The following SH3GL3 variants were observed in gnomAD, a reference collection of about 807,000 sequenced individuals.
The protein encoded by SH3GL3 is endophilin-A3.
SH3GL3 carries 33 observed loss-of-function variants against 47.7 expected under a neutral mutation model. The ratio of observed to expected loss-of-function variants is 0.69; its 90% CI spans 0.52 to 0.92. SH3GL3 has a LOEUF of 0.92. SH3GL3 is among the 40% of genes least tolerant of loss of function. SH3GL3 has a pLI of 0.00. For missense variants in SH3GL3, 363 were observed against 417.8 expected (o/e 0.87, Z 1.14); for synonymous variants, 155 against 148.8 (o/e 1.04, Z -0.30).
chr15:83,541,312 A>ATTTTTTTTTTTTTTTTT lies in SH3GL3; in HGVS notation c.46-17918_46-17902dup, dbSNP rs71156085. Among the ~76,000 whole-genome samples the ATTTTTTTTTTTTTTTTT allele has an allele frequency of 1.3e-4, 6 of 47,366 alleles. 2 individuals are homozygous for ATTTTTTTTTTTTTTTTT. Among genetic ancestry groups the ATTTTTTTTTTTTTTTTT allele is most frequent in the Admixed American group, 6.1e-4 (2 of 3,294 alleles). 31.1% of individuals were successfully genotyped at this position (47,366 alleles called of 152,430 possible). On this transcript the variant is annotated intron_variant, in intron 1 of 8. Coordinates refer to ENST00000427482, the MANE Select transcript of SH3GL3 (RefSeq NM_003027.5). ...GATGGCTGGATCATATGGTAATTCTATTTTTTTTTTTTTTTTTTTTTTTTT... is the reference window on the plus strand; with the variant it reads ...GATGGCTGGATCATATGGTAATTCTATTTTTTTTTTTTTTTTTTTTTTTTTTTTTTTTTTTTTTTTTT...
intron 1 of SH3GL3, among the ~76,000 whole-genome samples, chr15:83,461,792 A>G (rs2040312622): frequency 6.6e-6 from 1 of 150,778 alleles, no homozygotes. Flanking sequence ...TCAGAAGTTA[A>G]AAAAAAAAGT....
At chr15:83,553,303 G>T (rs2044762298) in intron 1 of SH3GL3, among the ~76,000 whole-genome samples, 1 of 152,156 alleles carries the variant, frequency 6.6e-6, no homozygotes, top group Admixed American at 6.5e-5. Flanking sequence ...TGTACATTTT[G>T]TCTTTTCAGT....
At chr15:83,616,860 G>A (rs1164942682) in intron 8 of SH3GL3, among the ~76,000 whole-genome samples, 2 of 151,874 alleles carry the variant, frequency 1.3e-5, no homozygotes, top group Admixed American at 6.6e-5. Flanking sequence ...GAGAAGGAAG[G>A]AAAAGAAAGA....
intron 8 of SH3GL3, among the ~76,000 whole-genome samples, chr15:83,599,042 A>G (rs1181132290): frequency 6.6e-6 from 1 of 152,188 alleles, no homozygotes; most frequent in Non-Finnish European, 1.5e-5. Context: ...AAAGATTTTG[A>G]TGAAGCAGAT....
Position 83,547,768 on chromosome 15 carries a change from G to C in SH3GL3, c.46-11485G>C, listed in dbSNP as rs561508593. Among the ~76,000 whole-genome samples, 44 of 139,754 alleles carry C rather than the reference G, an allele frequency of 3.1e-4. 1 individual carries two copies. In the South Asian group the frequency reaches 6.4e-3, roughly 20 times the overall value. The allele number at this position is 139,754 out of a possible 152,430, so 91.7% of individuals were successfully genotyped here. ...GTGCATCTCTTATTAGCAGGATATA[G>C]TGTAGCTTTTTTTTTTTTTTTTAAA... On this transcript the variant is annotated intron_variant, in intron 1 of 8. Coordinates refer to ENST00000427482, the MANE Select transcript of SH3GL3 (RefSeq NM_003027.5).
chr15:83,563,029 A>G (rs917147993), intron 2 of SH3GL3, among the ~76,000 whole-genome samples: 8 of 152,220 alleles, frequency 5.3e-5, no homozygotes, highest in African/African-American at 1.9e-4. Flanking sequence ...CTGGGGCTCC[A>G]GATTAATTTA....
At chr15:83,581,828 T>C (rs1054799525) in intron 6 of SH3GL3, among the ~76,000 whole-genome samples, 21 of 152,248 alleles carry the variant, frequency 1.4e-4, no homozygotes, top group African/African-American at 5.1e-4. Context: ...TTTGGTTGTC[T>C]TGTGAATGGG....
Position 83,602,365 on chromosome 15 carries a change from A to G in SH3GL3, c.838+13594A>G, listed in dbSNP as rs889111179. On this transcript the variant is annotated intron_variant, in intron 8 of 8. Transcript: ENST00000427482. ...ACCTTAGACTGGGTAGCTTTTACTT[A>G]CAGTCTGGAGGCTGAGATGTCTAAA... Among the ~76,000 whole-genome samples, 29 of 152,294 alleles carry G rather than the reference A, an allele frequency of 1.9e-4. 1 individual carries two copies. Among genetic ancestry groups the G allele is most frequent in the Non-Finnish European group, 5.9e-5 (4 of 68,032 alleles).
intron 7 of SH3GL3, 115 bp from the exon 8 acceptor site, chr15:83,588,547 C>G: frequency 1.5e-6 from 1 of 680,938 alleles, no homozygotes; most frequent in Admixed American, 2.3e-5. Flanking sequence ...AAAATCGTCC[C>G]TTTCATGACC....
At chr15:83,513,362 A>G (rs1054725324) in intron 1 of SH3GL3, among the ~76,000 whole-genome samples, 3 of 152,214 alleles carry the variant, frequency 2.0e-5, no homozygotes, top group African/African-American at 7.2e-5. Context: ...AAGAGGTTTC[A>G]TGATCTTATT....
the SH3GL3 span, among the ~76,000 whole-genome samples, chr15:83,631,325 T>C: frequency 6.6e-6 from 1 of 152,074 alleles, no homozygotes; most frequent in Non-Finnish European, 1.5e-5. Flanking sequence ...GATTCTGGAG[T>C]CTGAAGAATG....
chr15:83,565,752 A>G (rs1300379654), intron 3 of SH3GL3: 1 of 152,144 alleles, frequency 6.6e-6, no homozygotes, highest in Admixed American at 6.6e-5. Flanking sequence ...CAGGTTGTAA[A>G]TTATAGGAAC....
At chr15:83,488,503 G>C (rs951106876) in intron 1 of SH3GL3, among the ~76,000 whole-genome samples, 1 of 152,208 alleles carries the variant, frequency 6.6e-6, no homozygotes, top group Non-Finnish European at 1.5e-5. Flanking sequence ...CAGGGTGTCC[G>C]TGGGTCACTG....
chr15:83,609,172 C>A, intron 8 of SH3GL3: 1 of 435,582 alleles, frequency 2.3e-6, no homozygotes, highest in Non-Finnish European at 4.6e-6. Context: ...TAAATTAGAT[C>A]TTGTGAATTA....
chr15:83,539,565 C>G (rs548384014), intron 1 of SH3GL3, among the ~76,000 whole-genome samples: 73 of 152,300 alleles, frequency 4.8e-4, no homozygotes, highest in African/African-American at 1.7e-3. Context: ...GCTCCTTTGA[C>G]TGTTTTTTAA....
chr15:83,474,820 G>A (rs1406367168), intron 1 of SH3GL3, among the ~76,000 whole-genome samples: 2 of 152,108 alleles, frequency 1.3e-5, no homozygotes, highest in African/African-American at 2.4e-5. Flanking sequence ...TGGCATGATC[G>A]GGGATAAGGA....
intron 1 of SH3GL3, among the ~76,000 whole-genome samples, chr15:83,460,409 A>G (rs764986819): frequency 2.0e-5 from 3 of 151,954 alleles, no homozygotes; most frequent in Non-Finnish European, 4.4e-5. Flanking sequence ...GTATATACTC[A>G]TGACCTTCGA....
intron 8 of SH3GL3, among the ~76,000 whole-genome samples, chr15:83,617,076 G>A (rs945326149): frequency 5.3e-5 from 8 of 152,100 alleles, no homozygotes; most frequent in African/African-American, 1.7e-4. Flanking sequence ...TTATCTCTGG[G>A]GTAATGGTTT....
intron 1 of SH3GL3, among the ~76,000 whole-genome samples, chr15:83,460,048 CCCTCCCTGCCTCCCTCCCTCCCTT>C (rs1230572847): frequency 9.8e-5 from 5 of 50,800 alleles, no homozygotes; most frequent in Admixed American, 3.0e-4. Flanking sequence ...CTCCCTCCCT[CCCTCCCTGCCTCCCTCCCTCCCTT>C]CCTTCCTTCC....
Sources: allele counts gnomAD v4.1 joint callset (sites outside exome capture counted in the v4.1 genomes callset), GRCh38; gene constraint gnomAD v4.1.1; transcripts MANE v1.5; gene names NCBI Gene and HGNC (gene_info 2026-07-23, HGNC 2026-07-21).